Variants in CAST observed in about 807,000 individuals in gnomAD.
The protein encoded by CAST is calpastatin.
Under a neutral mutation model 119.6 loss-of-function variants are expected in CAST, and 76 were observed. That is an observed-to-expected ratio of 0.64 (90% CI 0.53 to 0.77). The LOEUF (loss-of-function observed/expected upper bound fraction) is 0.77, where lower values mean the gene tolerates loss of function less well. Ranked by LOEUF, CAST falls within the 30% of genes least tolerant of loss-of-function variation. The pLI is 0.00. For missense variants in CAST, 953 were observed against 946.5 expected, an observed-to-expected ratio of 1.01 and a Z score of -0.09; for synonymous variants, 319 against 331.6, an observed-to-expected ratio of 0.96 and a Z score of 0.41.
At position 96,767,937 on chromosome 5, in the gene CAST, G is replaced by A. The variant is rs1561623763; in HGVS notation, c.2206G>A (p.Ala736Thr). Reference sequence around the variant, plus strand: ...TGCAGATGACCAAGACCCCATTGATGCTCTCTCAGGAGATCTGGACAGCTG... The same window carrying A: ...TGCAGATGACCAAGACCCCATTGATACTCTCTCAGGAGATCTGGACAGCTG... ...KPADDQDPID[A>T]LSGDLDSCPS... The change falls in exon 29 of 32, where the codon GCT becomes ACT. Residue 736 changes from alanine to threonine, a missense_variant. Ala to Thr is a moderately conservative substitution (Grantham distance 58, BLOSUM62 0). Coordinates refer to ENST00000675179, the MANE Select transcript of CAST (RefSeq NM_001750.7). 6.2e-7 allele frequency: 1 copy of A among 1,613,272 alleles called. No homozygotes were observed. Among genetic ancestry groups the A allele is most frequent in the Admixed American group, 1.7e-5 (1 of 59,958 alleles).
the CAST span, among the ~76,000 whole-genome samples, chr5:96,402,418 AGGTCCCTT>A: frequency 2.0e-5 from 3 of 152,048 alleles, no homozygotes; most frequent in Non-Finnish European, 4.4e-5. Context: ...TTTCCTTCCT[AGGTCCCTT>A]GGTCAGGCCT....
the CAST span, chr5:96,393,368 G>A: frequency 2.2e-5 from 35 of 1,613,856 alleles, no homozygotes; most frequent in South Asian, 3.1e-4. Flanking sequence ...GTTCTCTTGT[G>A]TGGGCTGCTC....
the CAST span, among the ~76,000 whole-genome samples, chr5:96,107,146 C>T: frequency 3.6e-4 from 54 of 151,670 alleles, no homozygotes; most frequent in South Asian, 0.011. Context: ...TTCCTGAATA[C>T]AGCACACTGA....
chr5:96,175,070 T>C, the CAST span, among the ~76,000 whole-genome samples: 1 of 152,180 alleles, frequency 6.6e-6, no homozygotes, highest in Non-Finnish European at 1.5e-5. Flanking sequence ...GAAAAGCAAC[T>C]GAAGTTTTTA....
At chr5:95,992,698 A>G in the CAST span, among the ~76,000 whole-genome samples, 6 of 152,340 alleles carry the variant, frequency 3.9e-5, no homozygotes, top group Middle Eastern at 3.4e-3. Flanking sequence ...AATAGTGATA[A>G]TGCCAATGTT....
At chr5:96,754,594 C>G in intron 21 of CAST, 64 bp from the exon 22 acceptor site, 5 of 944,052 alleles carry the variant, frequency 5.3e-6, no homozygotes, top group Non-Finnish European at 8.5e-6. Context: ...TCTAGTCACT[C>G]AGGCATGAAT....
At chr5:96,121,918 A>G in the CAST span, among the ~76,000 whole-genome samples, 3 of 152,198 alleles carry the variant, frequency 2.0e-5, no homozygotes, top group Non-Finnish European at 4.4e-5. Flanking sequence ...TGACAAAAAA[A>G]CAAATATAAT....
chr5:96,018,340 T>G, the CAST span, among the ~76,000 whole-genome samples: 15 of 152,070 alleles, frequency 9.9e-5, no homozygotes, highest in African/African-American at 3.6e-4. Context: ...TTACTTGGTA[T>G]GGAGGCCTGT....
the CAST span, among the ~76,000 whole-genome samples, chr5:96,302,858 C>T: frequency 1.3e-5 from 2 of 152,160 alleles, no homozygotes; most frequent in Admixed American, 1.3e-4. Context: ...CCAAACTGTC[C>T]CTTATCTTCC....
the CAST span, among the ~76,000 whole-genome samples, chr5:96,438,029 C>CTCT: frequency 6.6e-6 from 1 of 152,142 alleles, no homozygotes; most frequent in Non-Finnish European, 1.5e-5. Context: ...ACTTCGAAGG[C>CTCT]AGATTGTTAT....
the CAST span, among the ~76,000 whole-genome samples, chr5:95,992,062 A>C: frequency 5.5e-4 from 83 of 152,222 alleles, no homozygotes; most frequent in Non-Finnish European, 1.1e-3. Flanking sequence ...GCAGGTAAGA[A>C]CTATAGACTC....
At chr5:96,648,278 T>C (rs771960923) in intron 1 of CAST, among the ~76,000 whole-genome samples, 8 of 152,234 alleles carry the variant, frequency 5.3e-5, no homozygotes, top group Non-Finnish European at 1.0e-4. Context: ...ATTCACTTCC[T>C]TATTGGTCTT....
the CAST span, among the ~76,000 whole-genome samples, chr5:96,311,168 T>A: frequency 1.2e-4 from 18 of 152,146 alleles, no homozygotes; most frequent in Non-Finnish European, 2.1e-4. Context: ...AATTTCTCTT[T>A]TAATTTCTTT....
the CAST span, among the ~76,000 whole-genome samples, chr5:96,250,478 G>T: frequency 6.6e-6 from 1 of 152,216 alleles, no homozygotes; most frequent in Non-Finnish European, 1.5e-5. Context: ...AAGGGCAAAA[G>T]GCAACAGGGT....
the CAST span, among the ~76,000 whole-genome samples, chr5:96,181,955 G>C: frequency 6.6e-6 from 1 of 152,166 alleles, no homozygotes; most frequent in Non-Finnish European, 1.5e-5. Context: ...AGTGGCACCA[G>C]TTTTCAAAAC....
chr5:96,548,935 G>A (rs1219626405), intron 1 of CAST, among the ~76,000 whole-genome samples: 1 of 152,142 alleles, frequency 6.6e-6, no homozygotes, highest in Non-Finnish European at 1.5e-5. Flanking sequence ...AGGAAGCAAG[G>A]ACCAGGCCTG....
At chr5:96,347,990 A>G in the CAST span, among the ~76,000 whole-genome samples, 1 of 152,202 alleles carries the variant, frequency 6.6e-6, no homozygotes, top group African/African-American at 2.4e-5. Flanking sequence ...AGTATTGCCT[A>G]CAAATAAGAC....
At chr5:96,268,194 C>T in the CAST span, among the ~76,000 whole-genome samples, 10 of 152,014 alleles carry the variant, frequency 6.6e-5, no homozygotes, top group East Asian at 5.8e-4. Flanking sequence ...CAAGACAACC[C>T]GAAAATAAGC....
the CAST span, among the ~76,000 whole-genome samples, chr5:96,333,033 A>G: frequency 2.6e-5 from 4 of 151,902 alleles, no homozygotes; most frequent in African/African-American, 4.8e-5. Context: ...TGAGCTGCCA[A>G]TTTTATAAGG....
Sources: allele counts gnomAD v4.1 joint callset (sites outside exome capture counted in the v4.1 genomes callset), GRCh38; gene constraint gnomAD v4.1.1; transcripts MANE v1.5; gene names NCBI Gene and HGNC (gene_info 2026-07-23, HGNC 2026-07-21).